Variants in COL14A1 observed in about 807,000 individuals in gnomAD.
COL14A1 encodes the protein collagen alpha-1(XIV) chain.
In COL14A1, 136 loss-of-function variants were observed where a neutral mutation model predicts 230.3. The observed-to-expected ratio is 0.59, with a 90% CI of 0.51 to 0.68. The LOEUF is 0.68. Among genes scored for constraint, COL14A1 ranks in the 30% least tolerant of loss-of-function variants. COL14A1 has a pLI of 0.00. For synonymous variants in COL14A1, 792 were observed against 784.1 expected, an observed-to-expected ratio of 1.01 and a Z score of -0.17; for missense variants, 1,976 against 2,215.8, an observed-to-expected ratio of 0.89 and a Z score of 2.17.
intron 5 of COL14A1, among the ~76,000 whole-genome samples, chr8:120,178,418 A>C (rs1387669286): frequency 1.3e-5 from 2 of 152,060 alleles, no homozygotes; most frequent in African/African-American, 2.4e-5. Flanking sequence ...ATTCTTTTTT[A>C]TGGCTGCATA....
intron 26 of COL14A1, among the ~76,000 whole-genome samples, chr8:120,276,125 TA>T (rs1345500042): frequency 3.3e-5 from 5 of 150,646 alleles, no homozygotes; most frequent in Non-Finnish European, 7.4e-5. Flanking sequence ...TATATATATG[TA>T]AAAAAATATA....
intron 3 of COL14A1, among the ~76,000 whole-genome samples, chr8:120,161,048 G>A (rs1815651172): frequency 6.6e-6 from 1 of 152,106 alleles, no homozygotes; most frequent in African/African-American, 2.4e-5. Context: ...GCACTTTGTA[G>A]TAGATGAGTT....
At chr8:120,150,778 G>A (rs533902295) in intron 2 of COL14A1, among the ~76,000 whole-genome samples, 2 of 152,208 alleles carry the variant, frequency 1.3e-5, no homozygotes, top group Admixed American at 6.5e-5. Context: ...TGGCTGGTAG[G>A]CAGTTGGTGG....
At chr8:120,242,085 A>C (rs1818623264) in intron 19 of COL14A1, among the ~76,000 whole-genome samples, 1 of 152,228 alleles carries the variant, frequency 6.6e-6, no homozygotes, top group Non-Finnish European at 1.5e-5. Flanking sequence ...ATGTATATAA[A>C]GTGTATATGA....
At position 120,342,459 on chromosome 8, in the gene COL14A1, T is replaced by C; in HGVS notation, c.4888+13T>C. On this transcript the variant is annotated intron_variant, in intron 44 of 47. Coordinates refer to ENST00000297848, the MANE Select transcript of COL14A1 (RefSeq NM_021110.4). ...CAGCTCATCCAGAGTAAGTATGTAA[T>C]GGTTACGGAGGATGTTCCCCATAAC... 6.2e-7 allele frequency: 1 copy of C among 1,612,724 alleles called. No individual in the cohort carries two copies. Among genetic ancestry groups the C allele is most frequent in the Non-Finnish European group, 8.5e-7 (1 of 1,178,778 alleles).
chr8:120,173,587 C>CTATCTATCTATCTATCTATCT (rs1554601696), intron 5 of COL14A1, among the ~76,000 whole-genome samples: 1 of 148,982 alleles, frequency 6.7e-6, no homozygotes, highest in South Asian at 2.1e-4. Flanking sequence ...ATCTATCTAT[C>CTATCTATCTATCTATCTATCT]ATTTATCATC....
rs1227154888 is a variant in COL14A1, at chr8:120,250,635, A to G, written c.2621A>G (p.Glu874Gly). The change falls in exon 22 of 48, where the codon GAA (glutamate) becomes GGA (glycine). Residue 874 changes from glutamate (E) to glycine (G), a missense_variant. Glu to Gly is a moderately conservative substitution (Grantham distance 98, BLOSUM62 -2). Coordinates refer to ENST00000297848, the MANE Select transcript of COL14A1 (RefSeq NM_021110.4). ...TCTTTAGTTCCTGGTCCAACACTGG[A>G]AACGTTTGTGGGAGCTGACATTAAC... Reference protein sequence around the residue: ...KPVSVPGPTLETFVGADINTI... With the variant: ...KPVSVPGPTLGTFVGADINTI... 3.1e-6 allele frequency: 5 copies of G among 1,614,240 alleles called. No homozygotes were observed. The South Asian group carries it at 5.5e-5, about 18-fold the overall frequency.
chr8:120,317,563 G>A (rs1821278615), intron 40 of COL14A1, among the ~76,000 whole-genome samples: 1 of 152,172 alleles, frequency 6.6e-6, no homozygotes, highest in Non-Finnish European at 1.5e-5. Context: ...GATCCTGTGT[G>A]GTTACACACC....
rs188678654 is a variant in COL14A1 at position 120,256,988 on chromosome 8, G to A, written c.2869+1632G>A. On this transcript the variant is annotated intron_variant, in intron 23 of 47. Transcript: ENST00000297848. ...TGTATAAAAACTGGCTTTATCAATG[G>A]AATCAATAAGATTCATAGTTTTTTA... is the stretch of plus-strand genomic sequence containing the variant. Among the ~76,000 whole-genome samples, 350 of 152,226 alleles carry A rather than the reference G, an allele frequency of 2.3e-3. 1 individual carries two copies. Among genetic ancestry groups the A allele is most frequent in the African/African-American group, 7.8e-3 (325 of 41,526 alleles).
intron 14 of COL14A1, among the ~76,000 whole-genome samples, chr8:120,218,140 TATAA>T (rs1246945906): frequency 7.3e-6 from 1 of 136,634 alleles, no homozygotes; most frequent in Non-Finnish European, 1.5e-5. Flanking sequence ...ATATATAATA[TATAA>T]ATATAAATAA....
chr8:120,323,881 G>A (rs1203940009), intron 40 of COL14A1, among the ~76,000 whole-genome samples: 2 of 152,124 alleles, frequency 1.3e-5, no homozygotes, highest in African/African-American at 4.8e-5. Flanking sequence ...TTTTGCTTAG[G>A]ATTGCCTTGG....
intron 14 of COL14A1, among the ~76,000 whole-genome samples, chr8:120,223,005 A>G (rs541413813): frequency 6.6e-6 from 1 of 152,310 alleles, no homozygotes; most frequent in South Asian, 2.1e-4. Context: ...GTCATGATAG[A>G]GGAAGAAGGC....
At chr8:120,185,219 T>C (rs1342569083) in intron 5 of COL14A1, among the ~76,000 whole-genome samples, 2 of 152,236 alleles carry the variant, frequency 1.3e-5, no homozygotes, top group Non-Finnish European at 2.9e-5. Flanking sequence ...AGCCCCTTGC[T>C]GCACATCCCC....
chr8:120,274,885 T>C (rs1052002654), intron 26 of COL14A1, among the ~76,000 whole-genome samples: 2 of 151,690 alleles, frequency 1.3e-5, no homozygotes, highest in African/African-American at 2.4e-5. Context: ...TGCTCATGGA[T>C]TGAAATAATT....
At chr8:120,347,698 T>C (rs1284027770) in intron 45 of COL14A1, among the ~76,000 whole-genome samples, 3 of 152,186 alleles carry the variant, frequency 2.0e-5, no homozygotes, top group African/African-American at 4.8e-5. Context: ...AGGAAGCATA[T>C]GAAGATATTG....
intron 4 of COL14A1, among the ~76,000 whole-genome samples, chr8:120,163,248 A>G (rs968275540): frequency 6.6e-6 from 1 of 152,126 alleles, no homozygotes; most frequent in African/African-American, 2.4e-5. Context: ...TACATATAGG[A>G]CTCTGTGAAG....
intron 8 of COL14A1, among the ~76,000 whole-genome samples, chr8:120,200,411 T>G (rs1817198635): frequency 6.6e-6 from 1 of 152,040 alleles, no homozygotes. Context: ...TTTTTCTTTT[T>G]GTGAACTTTC....
chr8:120,133,454 G>A (rs1429017810), intron 1 of COL14A1, among the ~76,000 whole-genome samples: 1 of 151,970 alleles, frequency 6.6e-6, no homozygotes, highest in Non-Finnish European at 1.5e-5. Flanking sequence ...GATCAAGTTG[G>A]GCTCAAATTT....
Position 120,226,608 on chromosome 8 carries a change from C to T in COL14A1, c.1865-19C>T. 6.2e-7 allele frequency: 1 copy of T among 1,611,558 alleles called. No individual in the cohort carries two copies. The highest frequency in any genetic ancestry group is 1.3e-5 in the African/African-American group (1 of 74,982). On this transcript the variant is annotated intron_variant, in intron 15 of 47. Transcript: ENST00000297848. ...TGCCTTCTCATTTCCCTAACAAAAC[C>T]TCCTTCCTCGGTTTACAGAGGAAGT...
Sources: gnomAD v4.1 joint callset for allele counts (sites outside exome capture counted in the v4.1 genomes callset) on GRCh38, gnomAD v4.1.1 for gene constraint, MANE v1.5 for transcripts, NCBI Gene and HGNC (gene_info 2026-07-23, HGNC 2026-07-21) for gene names.